SLCO4C1: variants seen among roughly 807,000 people sequenced by gnomAD.
SLCO4C1 encodes solute carrier organic anion transporter family member 4C1.
Under a neutral mutation model 72.1 loss-of-function variants are expected in SLCO4C1, and 58 were observed. The observed-to-expected ratio is 0.80, with a 90% CI of 0.65 to 1.00. SLCO4C1 has a LOEUF of 1.00. Ranked by LOEUF, SLCO4C1 falls within the 50% of genes least tolerant of loss-of-function variation. SLCO4C1 has a pLI of 0.00. For missense variants in SLCO4C1, 898 were observed against 857.9 expected (o/e 1.05, Z -0.58); for synonymous variants, 297 against 312.5 (o/e 0.95, Z 0.52).
At chr5:102,280,358 CA>C (rs1561379349) in intron 2 of SLCO4C1, among the ~76,000 whole-genome samples, 1 of 149,496 alleles carries the variant, frequency 6.7e-6, no homozygotes. Flanking sequence ...TACAATCATT[CA>C]AAAAAAAGCA....
chr5:102,253,190 C>G (rs919258666), intron 8 of SLCO4C1, among the ~76,000 whole-genome samples: 1 of 152,162 alleles, frequency 6.6e-6, no homozygotes, highest in African/African-American at 2.4e-5. Context: ...ATTACCACCA[C>G]TGATCACCAA....
chr5:102,240,942 C>T (rs1480348495), intron 10 of SLCO4C1, among the ~76,000 whole-genome samples, 160 bp from the exon 11 acceptor site: 1 of 151,900 alleles, frequency 6.6e-6, no homozygotes, highest in Non-Finnish European at 1.5e-5. Context: ...TTTAATCTTC[C>T]TGGGATTATA....
chr5:102,250,484 G>A (rs763429962), intron 8 of SLCO4C1, among the ~76,000 whole-genome samples: 1 of 152,054 alleles, frequency 6.6e-6, no homozygotes, highest in Admixed American at 6.6e-5. Flanking sequence ...GCTGGGTAAC[G>A]GGAATACAAA....
chr5:102,286,712 A>C (rs932558997), intron 2 of SLCO4C1, among the ~76,000 whole-genome samples: 2 of 152,098 alleles, frequency 1.3e-5, no homozygotes, highest in Non-Finnish European at 2.9e-5. Context: ...TTCAAAGTTA[A>C]TCACCTCTAA....
intron 2 of SLCO4C1, among the ~76,000 whole-genome samples, chr5:102,274,285 A>G (rs532287339): frequency 8.5e-5 from 13 of 152,300 alleles, no homozygotes; most frequent in African/African-American, 3.1e-4. Flanking sequence ...CGTTGTTTAT[A>G]AATTTAGAGG....
At chr5:102,295,809 G>T (rs1338080161) in intron 1 of SLCO4C1, 99 bp downstream of exon 1, 15 of 1,247,862 alleles carry the variant, frequency 1.2e-5, no homozygotes, top group Non-Finnish European at 1.6e-5. Flanking sequence ...CGCGTCCACC[G>T]TCCCACGGAC....
chr5:102,265,000 A>G (rs1321516735), intron 3 of SLCO4C1, among the ~76,000 whole-genome samples: 1 of 151,796 alleles, frequency 6.6e-6, no homozygotes, highest in African/African-American at 2.4e-5. Flanking sequence ...TTGTATATAC[A>G]TTTCGCATTT....
intron 2 of SLCO4C1, among the ~76,000 whole-genome samples, chr5:102,278,764 C>G (rs1749295696): frequency 6.6e-6 from 1 of 151,470 alleles, no homozygotes; most frequent in Non-Finnish European, 1.5e-5. Context: ...AAAAGGAAGT[C>G]TCTAAGGAAA....
rs867375647 is a variant in SLCO4C1, at chr5:102,234,314, A to G, written c.*2544T>C. The G allele has an allele frequency of 6.6e-6, 1 of 152,638 alleles. No homozygotes were observed. The highest frequency in any genetic ancestry group is 1.5e-5 in the Non-Finnish European group (1 of 68,020). 9.5% of individuals were successfully genotyped at this position (152,638 alleles called of 1,614,324 possible). ...TTCTAGAAGTATCACATCAACTCATATGATCTAGGTGAACCCAAAAGTAAA... is the reference window on the plus strand; with the variant it reads ...TTCTAGAAGTATCACATCAACTCATGTGATCTAGGTGAACCCAAAAGTAAA... On this transcript the variant is annotated 3_prime_UTR_variant, in exon 13 of 13. Transcript: ENST00000310954.
intron 3 of SLCO4C1, among the ~76,000 whole-genome samples, chr5:102,268,128 T>C (rs895760569): frequency 3.9e-5 from 6 of 152,108 alleles, no homozygotes; most frequent in Admixed American, 6.6e-5. Flanking sequence ...GAAGTTTAAG[T>C]GCAATATTAT....
chr5:102,280,202 T>C (rs1749329404), intron 2 of SLCO4C1, among the ~76,000 whole-genome samples: 1 of 142,918 alleles, frequency 7.0e-6, no homozygotes, highest in Non-Finnish European at 1.5e-5. Context: ...CTACATAGAA[T>C]ACACCAAGGA....
intron 2 of SLCO4C1, among the ~76,000 whole-genome samples, chr5:102,287,012 G>C (rs1749465060): frequency 1.3e-5 from 2 of 151,968 alleles, no homozygotes; most frequent in African/African-American, 4.8e-5. Flanking sequence ...AACAGAAAAA[G>C]CACAGAAGGG....
intron 2 of SLCO4C1, among the ~76,000 whole-genome samples, chr5:102,271,854 A>G (rs2112377352): frequency 6.6e-6 from 1 of 152,216 alleles, no homozygotes; most frequent in East Asian, 1.9e-4. Context: ...TACACACAGA[A>G]TGGATCACAT....
chr5:102,249,271 C>T (rs1341137417), intron 9 of SLCO4C1, among the ~76,000 whole-genome samples: 1 of 151,860 alleles, frequency 6.6e-6, no homozygotes, highest in South Asian at 2.1e-4. Context: ...TGACTTAAAG[C>T]GAGTTCTTCA....
At position 102,291,537 on chromosome 5, in the gene SLCO4C1, G is replaced by A. The variant is rs752419323; in HGVS notation, c.425C>T (p.Ser142Phe). 1.9e-6 allele frequency: 3 copies of A among 1,613,956 alleles called. No individual in the cohort carries two copies. Among genetic ancestry groups the A allele is most frequent in the Non-Finnish European group, 2.5e-6 (3 of 1,179,928 alleles). ...GCTTGATGAAATCAGGCCAGTCAGG[G>A]AACTCTTCATTTCATAACGCTTCTC... ...TVEKRYEMKS[S>F]LTGLISSSYD... is the part of the protein sequence containing the mutation. The change falls in exon 2 of 13, where the codon TCC (serine) becomes TTC (phenylalanine). Residue 142 changes from serine to phenylalanine, a missense_variant. Coordinates refer to ENST00000310954, the MANE Select transcript of SLCO4C1 (RefSeq NM_180991.5).
At chr5:102,252,377 A>C (rs554910281) in intron 8 of SLCO4C1, among the ~76,000 whole-genome samples, 1 of 152,294 alleles carries the variant, frequency 6.6e-6, no homozygotes, top group South Asian at 2.1e-4. Flanking sequence ...AGAGTGATCA[A>C]GATAGTAATC....
chr5:102,239,552 A>G (rs1748501317), intron 11 of SLCO4C1, among the ~76,000 whole-genome samples, 164 bp from the exon 12 acceptor site: 1 of 152,076 alleles, frequency 6.6e-6, no homozygotes, highest in Non-Finnish European at 1.5e-5. Context: ...TAAAGCAGAT[A>G]CAATATTCTA....
At chr5:102,249,046 T>C (rs894080515) in intron 9 of SLCO4C1, among the ~76,000 whole-genome samples, 2 of 152,192 alleles carry the variant, frequency 1.3e-5, no homozygotes, top group African/African-American at 4.8e-5. Flanking sequence ...ATAAAACAAA[T>C]ACTAAGTTTC....
rs757422317 is a variant in SLCO4C1, at chr5:102,257,932, A to C, written c.1273+11T>G. ...TAAAATTTTTAGGTTAAGATAAAGA[A>C]AATGTTTTACCTCCAAGAGTAGCTG... On this transcript the variant is annotated intron_variant, in intron 7 of 12. Transcript: ENST00000310954. The C allele has an allele frequency of 3.1e-6, 5 of 1,595,100 alleles. No homozygotes were observed. In the South Asian group the frequency reaches 5.8e-5, roughly 19 times the overall value.
Sources: allele counts gnomAD v4.1 joint callset (sites outside exome capture counted in the v4.1 genomes callset), GRCh38; gene constraint gnomAD v4.1.1; transcripts MANE v1.5; gene names NCBI Gene and HGNC (gene_info 2026-07-23, HGNC 2026-07-21).